MYO9B: variants seen among roughly 807,000 people sequenced by gnomAD.
MYO9B encodes the protein myosin IXB, also known as unconventional myosin-IXb.
In MYO9B, 71 loss-of-function variants were observed where a neutral mutation model predicts 229.5. That is an observed-to-expected ratio of 0.31 (90% CI 0.26 to 0.38). MYO9B has a LOEUF of 0.38. Among genes scored for constraint, MYO9B ranks in the 10% least tolerant of loss-of-function variants. The probability of loss-of-function intolerance (pLI) is 1.00; values close to 1 mark genes in which losing one functional copy is unlikely to be tolerated. For missense variants in MYO9B, 2,255 were observed against 2,920.5 expected, an observed-to-expected ratio of 0.77 and a Z score of 5.25; for synonymous variants, 1,185 against 1,235.8, an observed-to-expected ratio of 0.96 and a Z score of 0.86.
chr19:17,099,574 G>A (rs1441415353), intron 1 of MYO9B, among the ~76,000 whole-genome samples: 7 of 151,846 alleles, frequency 4.6e-5, no homozygotes, highest in African/African-American at 1.7e-4. Flanking sequence ...AGAGCACTTT[G>A]GAAGCCCGAA....
intron 38 of MYO9B, among the ~76,000 whole-genome samples, chr19:17,211,388 C>T (rs568785010): frequency 1.2e-4 from 19 of 152,290 alleles, no homozygotes; most frequent in Middle Eastern, 3.4e-3. Context: ...CCTCCCACCT[C>T]AGCCTCCCCA....
rs143130989 is a variant in MYO9B, at chr19:17,101,201, G to A, written c.-58-459G>A. Among the ~76,000 whole-genome samples, 803 of 151,706 alleles carry A rather than the reference G, an allele frequency of 5.3e-3. 1 individual carries two copies. The highest frequency in any genetic ancestry group is 0.01 in the Middle Eastern group (3 of 294). On this transcript the variant is annotated intron_variant, in intron 1 of 39. Transcript: ENST00000682292. This position sits in a 1 kb window ranked among gnomAD's most constrained non-coding sequence, Gnocchi z 4.7. Reference sequence around the variant, plus strand: ...CCACTGTATTTTTTTTTAAGTGACAGGGTCTCTCTCTCTCACCCAGGCTGG... The same window carrying A: ...CCACTGTATTTTTTTTTAAGTGACAAGGTCTCTCTCTCTCACCCAGGCTGG...
chr19:17,076,605 TC>T (rs1367653413), intron 1 of MYO9B, among the ~76,000 whole-genome samples: 10 of 151,978 alleles, frequency 6.6e-5, no homozygotes, highest in Non-Finnish European at 1.0e-4. Context: ...CCCTCTTGAT[TC>T]GTGTCCCTCC....
At chr19:17,109,352 A>G (rs2057825422) in intron 2 of MYO9B, among the ~76,000 whole-genome samples, 1 of 152,142 alleles carries the variant, frequency 6.6e-6, no homozygotes, top group Admixed American at 6.6e-5. Context: ...AGCATGAGCC[A>G]CTGCGCCCGG....
At chr19:17,085,139 G>A (rs986463566) in intron 1 of MYO9B, among the ~76,000 whole-genome samples, 1 of 152,180 alleles carries the variant, frequency 6.6e-6, no homozygotes, top group Non-Finnish European at 1.5e-5. Context: ...GGGGAGCTGG[G>A]GAGTGGCTGT....
chr19:17,116,902 TAAAAC>T (rs1481889403), intron 2 of MYO9B, among the ~76,000 whole-genome samples: 2 of 152,108 alleles, frequency 1.3e-5, no homozygotes, highest in African/African-American at 4.8e-5. Flanking sequence ...CCCTGCCACA[TAAAAC>T]AACACAGCCC....
chr19:17,144,018 G>T (rs2072376213), intron 2 of MYO9B, among the ~76,000 whole-genome samples: 1 of 152,124 alleles, frequency 6.6e-6, no homozygotes, highest in African/African-American at 2.4e-5. Context: ...TGTGATACAA[G>T]TTTACCTACT....
intron 3 of MYO9B, among the ~76,000 whole-genome samples, chr19:17,150,608 G>A (rs1037756639): frequency 7.0e-6 from 1 of 141,924 alleles, no homozygotes; most frequent in African/African-American, 2.4e-5. Flanking sequence ...GTGATAGACC[G>A]GCCCCACCAG....
chr19:17,132,551 CAG>C (rs1254791953), intron 2 of MYO9B, among the ~76,000 whole-genome samples: 1 of 118,758 alleles, frequency 8.4e-6, no homozygotes, highest in Non-Finnish European at 1.7e-5. Context: ...TTTTTTGAGA[CAG>C]AGTCTCGCTC....
At chr19:17,077,720 TG>T (rs2123411798) in intron 1 of MYO9B, among the ~76,000 whole-genome samples, 2 of 152,302 alleles carry the variant, frequency 1.3e-5, no homozygotes, top group East Asian at 3.9e-4. Flanking sequence ...CTCCAGTCCA[TG>T]TCCCCCAGCT....
At chr19:17,127,452 G>C (rs561513181) in intron 2 of MYO9B, among the ~76,000 whole-genome samples, 1 of 145,592 alleles carries the variant, frequency 6.9e-6, no homozygotes. Flanking sequence ...TCAGCCTCCC[G>C]AGTAGCTAGG....
intron 2 of MYO9B, among the ~76,000 whole-genome samples, chr19:17,115,682 T>A (rs2057895627): frequency 6.6e-6 from 1 of 151,930 alleles, no homozygotes; most frequent in African/African-American, 2.4e-5. Context: ...TTGGCCTGGC[T>A]GGTCTCAAAC....
At position 17,192,927 on chromosome 19, in the gene MYO9B, C is replaced by T. The variant is rs996894090; in HGVS notation, c.2993C>T (p.Ala998Val). ...ACWRSYRVRR[A>V]LERTQAAVYL... ...TGGCGGTCCTACCGGGTCCGGAGGG[C>T]GCTGGAGAGGACGCAGGCTGCCGTG... Residue 998 changes from alanine to valine, a missense_variant, in exon 21 of 40, where the codon GCG becomes GTG. Transcript: ENST00000682292. 41 of 1,548,968 alleles carry T rather than the reference C, an allele frequency of 2.6e-5. No homozygotes were observed. Among genetic ancestry groups the T allele is most frequent in the Middle Eastern group, 1.7e-4 (1 of 5,914 alleles).
rs960679607 is a variant in MYO9B, at chr19:17,205,396, A to C, written c.5064+60A>C. 63 of 1,532,008 alleles carry C rather than the reference A, an allele frequency of 4.1e-5. No individual in the cohort carries two copies. In the African/African-American group the frequency reaches 8.2e-4, roughly 20 times the overall value. 94.9% of individuals were successfully genotyped at this position (1,532,008 alleles called of 1,614,324 possible). On this transcript the variant is annotated intron_variant, in intron 31 of 39. Coordinates refer to ENST00000682292, the MANE Select transcript of MYO9B (RefSeq NM_004145.4). ...CACTCCACTCACGGCCAGGTGCACCAGGAGGTGGTGCTTGATGTGAGGGCC... is the reference window on the plus strand; with the variant it reads ...CACTCCACTCACGGCCAGGTGCACCCGGAGGTGGTGCTTGATGTGAGGGCC...
At chr19:17,163,242 C>A in intron 10 of MYO9B, 120 bp downstream of exon 10, 2 of 1,144,780 alleles carry the variant, frequency 1.7e-6, no homozygotes, top group Non-Finnish European at 2.4e-6. Flanking sequence ...TTCACATATT[C>A]GCATTGTTAT....
chr19:17,131,801 A>G (rs1262553552), intron 2 of MYO9B, among the ~76,000 whole-genome samples: 1 of 151,876 alleles, frequency 6.6e-6, no homozygotes, highest in East Asian at 1.9e-4. Flanking sequence ...ACTGGGGGGA[A>G]GCTGAATTAT....
intron 11 of MYO9B, among the ~76,000 whole-genome samples, chr19:17,168,363 G>A (rs768280523): frequency 3.3e-5 from 5 of 152,034 alleles, no homozygotes; most frequent in Non-Finnish European, 7.4e-5. Flanking sequence ...ACAGGGTTTC[G>A]TCATGTTTTC....
chr19:17,129,891 C>T (rs2072173207), intron 2 of MYO9B, among the ~76,000 whole-genome samples: 1 of 152,162 alleles, frequency 6.6e-6, no homozygotes, highest in African/African-American at 2.4e-5. Context: ...TCATAGCTCA[C>T]TGTAGCCTCG....
At chr19:17,175,860 T>G (rs755967634) in intron 14 of MYO9B, 119 bp downstream of exon 14, 15 of 809,528 alleles carry the variant, frequency 1.9e-5, no homozygotes, top group Non-Finnish European at 2.4e-5. Context: ...GAGATGGAAT[T>G]TCGCTCTTGT....
Sources: allele counts gnomAD v4.1 joint callset (sites outside exome capture counted in the v4.1 genomes callset), GRCh38; gene constraint gnomAD v4.1.1; non-coding constraint Gnocchi (gnomAD v3.1); transcripts MANE v1.5; gene names NCBI Gene and HGNC (gene_info 2026-07-23, HGNC 2026-07-21).